NAPB: variants seen among roughly 807,000 people sequenced by gnomAD.
NAPB encodes beta-soluble NSF attachment protein.
A neutral mutation model predicts 44.7 loss-of-function variants in NAPB; 26 were observed. That is an observed-to-expected ratio of 0.58 (90% CI 0.43 to 0.81). The LOEUF is 0.81. Ranked by LOEUF, NAPB falls within the 30% of genes least tolerant of loss-of-function variation. NAPB has a pLI of 0.00. For synonymous variants in NAPB, 120 were observed against 116.8 expected, an observed-to-expected ratio of 1.03 and a Z score of -0.18; for missense variants, 315 against 356.4, an observed-to-expected ratio of 0.88 and a Z score of 0.94.
At chr20:23,399,657 T>C (rs977990452) in intron 2 of NAPB, among the ~76,000 whole-genome samples, 1 of 152,172 alleles carries the variant, frequency 6.6e-6, no homozygotes, top group African/African-American at 2.4e-5. Context: ...TTGTGAATCA[T>C]GAGAGGCTGG....
intron 5 of NAPB, among the ~76,000 whole-genome samples, chr20:23,391,803 A>G (rs1034971135): frequency 6.6e-6 from 1 of 152,330 alleles, no homozygotes; most frequent in East Asian, 1.9e-4. Context: ...CGTAAAAACC[A>G]TTTTTAGCAT....
chr20:23,379,333 A>G, intron 10 of NAPB, 112 bp downstream of exon 10: 2 of 776,278 alleles, frequency 2.6e-6, no homozygotes, highest in South Asian at 3.7e-5. Flanking sequence ...AACTTAAGGT[A>G]TGCTGGAGTC....
chr20:23,400,390 C>T (rs954102075), intron 2 of NAPB, among the ~76,000 whole-genome samples: 12 of 152,170 alleles, frequency 7.9e-5, no homozygotes, highest in Non-Finnish European at 1.6e-4. Flanking sequence ...GTGGCACATG[C>T]CTGTAATCCC....
At chr20:23,420,336 TATCA>T (rs1158924119) in intron 1 of NAPB, among the ~76,000 whole-genome samples, 4 of 152,212 alleles carry the variant, frequency 2.6e-5, no homozygotes, top group South Asian at 2.1e-4. Context: ...AGGCTCTGGC[TATCA>T]ATCAATCTCC....
intron 1 of NAPB, among the ~76,000 whole-genome samples, chr20:23,415,561 T>C (rs1464199271): frequency 6.6e-6 from 1 of 152,044 alleles, no homozygotes; most frequent in South Asian, 2.1e-4. Context: ...GCCACTGCAC[T>C]CCAGCCTGGG....
intron 3 of NAPB, 90 bp from the exon 4 acceptor site, chr20:23,395,275 C>A (rs986304876): frequency 1.5e-6 from 2 of 1,366,286 alleles, no homozygotes; most frequent in Non-Finnish European, 1.0e-6. Context: ...GTTATCAGAA[C>A]GTTAATGAGG....
At chr20:23,412,509 G>A (rs1416222196) in intron 1 of NAPB, among the ~76,000 whole-genome samples, 1 of 152,144 alleles carries the variant, frequency 6.6e-6, no homozygotes. Flanking sequence ...GAAAATCTAT[G>A]TACCAAAAAC....
In NAPB at chr20:23,379,552, A is replaced by T. The variant is rs1458917733; in HGVS notation, c.736-57T>A. 5 of 1,304,052 alleles carry T rather than the reference A, an allele frequency of 3.8e-6. No homozygotes were observed. In the East Asian group the frequency reaches 1.2e-4, roughly 30 times the overall value. The allele number at this position is 1,304,052 out of a possible 1,614,324, so 80.8% of individuals were successfully genotyped here. A position where few individuals can be genotyped will look rare whatever the true frequency, so the allele number is the denominator to read the frequency against. Reference sequence around the variant, plus strand: ...TCTGTAAGATGAAGTCCCATTTCTAAATATATACTTTAAGTATAATACCAA... The same window carrying T: ...TCTGTAAGATGAAGTCCCATTTCTATATATATACTTTAAGTATAATACCAA... On this transcript the variant is annotated intron_variant, in intron 9 of 10. Coordinates refer to ENST00000377026, the MANE Select transcript of NAPB (RefSeq NM_022080.3).
intron 7 of NAPB, among the ~76,000 whole-genome samples, chr20:23,386,778 T>C (rs907412906): frequency 1.2e-4 from 18 of 152,348 alleles, no homozygotes; most frequent in African/African-American, 4.3e-4. Flanking sequence ...TCCTAGACCT[T>C]GACCTATGAG....
Position 23,379,307 on chromosome 20 carries a change from G to A in NAPB, c.786+138C>T. 4.9e-6 allele frequency: 3 copies of A among 611,284 alleles called. No homozygotes were observed. In the South Asian group the frequency reaches 7.5e-5, roughly 15 times the overall value. The allele number at this position is 611,284 out of a possible 1,614,324, so 37.9% of individuals were successfully genotyped here. The stretch of plus-strand genomic sequence containing the variant: ...TTAATTTGTGTGATATATAAAAGGT[G>A]ACGTTTGGAAAATACAACTTAAGGT... On this transcript the variant is annotated intron_variant, in intron 10 of 10. Coordinates refer to ENST00000377026, the MANE Select transcript of NAPB (RefSeq NM_022080.3).
intron 7 of NAPB, among the ~76,000 whole-genome samples, chr20:23,383,234 A>G (rs2123141400): frequency 6.6e-6 from 1 of 152,250 alleles, no homozygotes; most frequent in African/African-American, 2.4e-5. Context: ...CAAATTTGAC[A>G]AGAAACATAA....
intron 5 of NAPB, among the ~76,000 whole-genome samples, chr20:23,392,188 G>A (rs1242926419): frequency 6.6e-6 from 1 of 152,200 alleles, no homozygotes; most frequent in Non-Finnish European, 1.5e-5. Context: ...ACATTTTAGA[G>A]GGAGGAGATG....
At chr20:23,379,210 G>C (rs1358236154) in intron 10 of NAPB, 4 of 410,292 alleles carry the variant, frequency 9.7e-6, no homozygotes, top group African/African-American at 6.2e-5. Context: ...TGGAATATTT[G>C]CTCCTGAACT....
chr20:23,389,922 C>A, intron 7 of NAPB, 24 bp downstream of exon 7: 2 of 1,589,620 alleles, frequency 1.3e-6, no homozygotes, highest in Non-Finnish European at 1.7e-6. Flanking sequence ...CAACTTCTCT[C>A]CAAGGAAACA....
chr20:23,395,150 A>C lies in NAPB; in HGVS notation c.331T>G (p.Tyr111Asp). The C allele has an allele frequency of 6.2e-7, 1 of 1,614,204 alleles. No individual in the cohort carries two copies. The highest frequency in any genetic ancestry group is 8.5e-7 in the Non-Finnish European group (1 of 1,180,028). ...INCLNAAIDI[Y>D]TDMGRFTIAA... ...ATGCAATGTCTTACCATGTCTGTGT[A>C]AATGTCGATGGCTGCATTTAAGCAG... is the stretch of plus-strand genomic sequence containing the variant. The change falls in exon 4 of 11, where the codon TAC (tyrosine) becomes GAC (aspartate). Residue 111 changes from tyrosine (Y) to aspartate (D), a missense_variant. Physicochemically the swap from Tyr to Asp is radical, Grantham distance 160. Transcript: ENST00000377026.
Position 23,397,107 on chromosome 20 carries a change from T to A in NAPB, c.260A>T (p.Asp87Val). ...SKHDSATSFV[D>V]AGNAYKKADP... ...TGCCTTTTTGTAAGCATTTCCAGCA[T>A]CCACAAAGCTGGTAGCAGAGTCATG... Residue 87 changes from aspartate (D) to valine (V), a missense_variant, in exon 3 of 11, where the codon GAT becomes GTT. Around this residue, in one of 3 missense-constraint regions of NAPB, gnomAD observed 179 missense variants for 182.5 expected, o/e 0.98. Coordinates refer to ENST00000377026, the MANE Select transcript of NAPB (RefSeq NM_022080.3). 2 of 1,613,652 alleles carry A rather than the reference T, an allele frequency of 1.2e-6. No individual in the cohort carries two copies. The highest frequency in any genetic ancestry group is 1.7e-6 in the Non-Finnish European group (2 of 1,179,608).
intron 5 of NAPB, among the ~76,000 whole-genome samples, chr20:23,391,217 A>G (rs1316363746): frequency 6.6e-6 from 1 of 152,180 alleles, no homozygotes; most frequent in Non-Finnish European, 1.5e-5. Flanking sequence ...AGGCTGAGAC[A>G]GGAGAACTGC....
intron 7 of NAPB, among the ~76,000 whole-genome samples, chr20:23,382,574 A>G (rs889335563): frequency 2.0e-5 from 3 of 152,192 alleles, no homozygotes; most frequent in Middle Eastern, 3.2e-3. Context: ...GCTAATGGAA[A>G]AATGGAAAGC....
At chr20:23,414,791 T>C (rs1416745005) in intron 1 of NAPB, among the ~76,000 whole-genome samples, 1 of 152,078 alleles carries the variant, frequency 6.6e-6, no homozygotes, top group African/African-American at 2.4e-5. Context: ...CTAAGAAGAG[T>C]ATATGAAGTC....
Sources: allele counts gnomAD v4.1 joint callset (sites outside exome capture counted in the v4.1 genomes callset), GRCh38; gene constraint gnomAD v4.1.1; regional missense constraint gnomAD v4.1.1; transcripts MANE v1.5; gene names NCBI Gene and HGNC (gene_info 2026-07-23, HGNC 2026-07-21).